Variants in SLC45A4 observed in about 807,000 individuals in gnomAD.
SLC45A4 encodes solute carrier family 45 member 4, also known as polyamine-transporter SLC45A4.
A neutral mutation model predicts 63.7 loss-of-function variants in SLC45A4; 32 were observed. The observed-to-expected ratio is 0.50, with a 90% CI of 0.38 to 0.67. The LOEUF is 0.67. Ranked by LOEUF, SLC45A4 falls within the 30% of genes least tolerant of loss-of-function variation. The pLI is 0.00. For missense variants in SLC45A4, 1,027 were observed against 1,157.7 expected, an observed-to-expected ratio of 0.89 and a Z score of 1.64; for synonymous variants, 535 against 510.0, an observed-to-expected ratio of 1.05 and a Z score of -0.66.
At chr8:141,228,366 T>C (rs949912473) in intron 2 of SLC45A4, 212 of 1,561,418 alleles carry the variant, frequency 1.4e-4, no homozygotes, top group Non-Finnish European at 1.7e-4. Flanking sequence ...CTCAACAGCC[T>C]GGCTAGAGGC....
chr8:141,303,558 T>C (rs1305416347), intron 1 of SLC45A4, among the ~76,000 whole-genome samples: 1 of 152,212 alleles, frequency 6.6e-6, no homozygotes, highest in Non-Finnish European at 1.5e-5. Context: ...GGGTTTGCTA[T>C]GCATTTTTCA....
chr8:141,305,540 C>G (rs7819177), intron 1 of SLC45A4, among the ~76,000 whole-genome samples: 145,525 of 152,312 alleles, frequency 0.96, 69,896 homozygotes, highest in Middle Eastern at 1. Flanking sequence ...GCATATTCTG[C>G]CTCCACAAAT....
intron 1 of SLC45A4, among the ~76,000 whole-genome samples, chr8:141,255,639 C>T (rs1023154673): frequency 8.5e-5 from 13 of 152,126 alleles, no homozygotes; most frequent in African/African-American, 3.1e-4. Context: ...TCACTTGAAC[C>T]CGGGAGGTGG....
rs192966320 is a variant in SLC45A4, at chr8:141,300,013, A to T, written c.-401+8083T>A. Reference sequence around the variant, plus strand: ...CAGGATTCCTAGAACACGACCGTGGAACTGCTCTTCTCCTCACCCATCCCT... The same window carrying T: ...CAGGATTCCTAGAACACGACCGTGGTACTGCTCTTCTCCTCACCCATCCCT... On this transcript the variant is annotated intron_variant, in intron 1 of 8. Transcript: ENST00000517878. 1.6e-3 allele frequency among the ~76,000 whole-genome samples: 236 copies of T among 152,216 alleles called. 2 individuals are homozygous for T. The highest frequency in any genetic ancestry group is 6.9e-4 in the Non-Finnish European group (47 of 68,010).
intron 1 of SLC45A4, among the ~76,000 whole-genome samples, chr8:141,296,532 T>A (rs534818188): frequency 1.7e-3 from 92 of 53,528 alleles, no homozygotes; most frequent in African/African-American, 4.2e-3. Flanking sequence ...AAAATTAAAA[T>A]TAAAATTAAA....
chr8:141,230,402 C>T (rs1226001812), intron 2 of SLC45A4: 7 of 326,924 alleles, frequency 2.1e-5, no homozygotes, highest in South Asian at 1.2e-4. Context: ...CCGAGGGTTC[C>T]CAGCACGGCC....
intron 2 of SLC45A4, among the ~76,000 whole-genome samples, chr8:141,246,228 C>T (rs1490827140): frequency 6.6e-6 from 1 of 152,162 alleles, no homozygotes; most frequent in Non-Finnish European, 1.5e-5. Flanking sequence ...AAGAGTCTGA[C>T]AAACAGAATA....
At position 141,254,695 on chromosome 8, in the gene SLC45A4, G is replaced by A. The variant is rs751490149; in HGVS notation, c.-400-66C>T. ...CGGCCACCAGATGGCCCTGTGGACC[G>A]CCGCCCGACCCCCGAGCAAGCCGTG... is the stretch of plus-strand genomic sequence containing the variant. On this transcript the variant is annotated intron_variant, in intron 1 of 8. Transcript: ENST00000517878. This position sits in a 1 kb window ranked among gnomAD's most constrained non-coding sequence, Gnocchi z 4.5. The A allele has an allele frequency of 1.2e-5, 8 of 692,778 alleles. No homozygotes were observed. The highest frequency in any genetic ancestry group is 8.1e-5 in the Admixed American group (4 of 49,650). The allele number at this position is 692,778 out of a possible 1,614,324, so 42.9% of individuals were successfully genotyped here.
At chr8:141,241,229 C>T (rs1424209409) in intron 2 of SLC45A4, among the ~76,000 whole-genome samples, 4 of 152,374 alleles carry the variant, frequency 2.6e-5, no homozygotes, top group South Asian at 2.1e-4. Flanking sequence ...TGCGGGCAGG[C>T]GGAGCAGCAG....
In SLC45A4 at chr8:141,278,281, G is replaced by A. The variant is rs36028626; in HGVS notation, c.-400-23652C>T. The A allele has an allele frequency of 0.29, 43,459 of 152,296 alleles. 6,697 individuals carry two copies. The highest frequency in any genetic ancestry group is 0.35 in the Non-Finnish European group (23,584 of 68,070). The allele number at this position is 152,296 out of a possible 1,614,324, so 9.4% of individuals were successfully genotyped here. A position where few individuals can be genotyped will look rare whatever the true frequency, so the allele number is the denominator to read the frequency against. On this transcript the variant is annotated intron_variant, in intron 1 of 8. Coordinates refer to ENST00000517878, the MANE Select transcript of SLC45A4 (RefSeq NM_001286646.2). This position sits in a 1 kb window ranked among gnomAD's most constrained non-coding sequence, Gnocchi z 4.1. ...CAGTGGGTTTCCCCGATGGGATCTCGGTGCAACCCAACAACTGAGCCAACT... is the reference window on the plus strand; with the variant it reads ...CAGTGGGTTTCCCCGATGGGATCTCAGTGCAACCCAACAACTGAGCCAACT...
intron 1 of SLC45A4, among the ~76,000 whole-genome samples, chr8:141,281,929 T>C (rs189546010): frequency 6.6e-6 from 1 of 152,108 alleles, no homozygotes; most frequent in Admixed American, 6.5e-5. Flanking sequence ...CACGGCACCT[T>C]TCCTAACGCC....
rs1280624370 is a variant in SLC45A4 at position 141,212,333 on chromosome 8, T to G, written c.2165A>C (p.Glu722Ala). 1.2e-6 allele frequency: 2 copies of G among 1,612,672 alleles called. No individual in the cohort carries two copies. The highest frequency in any genetic ancestry group is 8.5e-7 in the Non-Finnish European group (1 of 1,179,422). ...CAGGCCTTTCTGCTCCTCCTTGGCCTCCTCTGACACGTTGGGATAGATCAC... is the reference window on the plus strand; with the variant it reads ...CAGGCCTTTCTGCTCCTCCTTGGCCGCCTCTGACACGTTGGGATAGATCAC... Reference protein sequence around the residue: ...FLVIYPNVSEEAKEEQKGLSS... With the variant: ...FLVIYPNVSEAAKEEQKGLSS... Residue 722 changes from glutamate to alanine, a missense_variant, in exon 8 of 9, where the codon GAG becomes GCG. Physicochemically the swap from Glu to Ala is moderately radical, Grantham distance 107. Coordinates refer to ENST00000517878, the MANE Select transcript of SLC45A4 (RefSeq NM_001286646.2).
chr8:141,228,551 CA>C, intron 2 of SLC45A4: 1 of 1,268,264 alleles, frequency 7.9e-7, no homozygotes, highest in Non-Finnish European at 1.0e-6. Flanking sequence ...GCAGCTGGAG[CA>C]TGGGCTCCTC....
intron 1 of SLC45A4, among the ~76,000 whole-genome samples, chr8:141,271,334 A>G (rs1394668483): frequency 6.6e-6 from 1 of 152,052 alleles, no homozygotes; most frequent in East Asian, 1.9e-4. Context: ...CTGGCACCAC[A>G]CTCAATTCTG....
rs752754827 is a variant in SLC45A4, at chr8:141,253,949, C to T, written c.241+40G>A. The T allele has an allele frequency of 2.2e-4, 339 of 1,530,794 alleles. 1 individual carries two copies. Among genetic ancestry groups the T allele is most frequent in the South Asian group, 9.5e-4 (80 of 83,908 alleles). The allele number at this position is 1,530,794 out of a possible 1,614,324, so 94.8% of individuals were successfully genotyped here. ...AGCCACGCCCAGTCCGCTAGCACTC[C>T]GCTCAGCGTTCACTGCGCACAGACG... is the stretch of plus-strand genomic sequence containing the variant. On this transcript the variant is annotated intron_variant, in intron 2 of 8. Transcript: ENST00000517878.
chr8:141,262,827 C>A (rs1829093419), intron 1 of SLC45A4, among the ~76,000 whole-genome samples: 1 of 149,652 alleles, frequency 6.7e-6, no homozygotes, highest in African/African-American at 2.4e-5. Flanking sequence ...GGATCTAGAA[C>A]TAGAAATACC....
chr8:141,218,961 A>C lies in SLC45A4; in HGVS notation c.679T>G (p.Phe227Val), dbSNP rs767333964. The change falls in exon 5 of 9, where the codon TTC (phenylalanine) becomes GTC (valine). Residue 227 changes from phenylalanine to valine, a missense_variant. Phe to Val is a conservative substitution (Grantham distance 50). Coordinates refer to ENST00000517878, the MANE Select transcript of SLC45A4 (RefSeq NM_001286646.2). ...AAGAGCACCTGGTTCTGGGTCCGGA[A>C]CCAGCTGCCCAGGAAGGTCTGGGTC... is the stretch of plus-strand genomic sequence containing the variant. ...DWTQTFLGSW[F>V]RTQNQVLFFF... 1 of 1,613,538 alleles carries C rather than the reference A, an allele frequency of 6.2e-7. No homozygotes were observed. Among genetic ancestry groups the C allele is most frequent in the Non-Finnish European group, 8.5e-7 (1 of 1,179,922 alleles).
At chr8:141,269,104 C>T (rs1380512557) in intron 1 of SLC45A4, among the ~76,000 whole-genome samples, 5 of 152,190 alleles carry the variant, frequency 3.3e-5, no homozygotes, top group African/African-American at 7.2e-5. Context: ...CTGAGTCATA[C>T]GCTGTATAGG....
chr8:141,303,172 G>A (rs972695763), intron 1 of SLC45A4, among the ~76,000 whole-genome samples: 2 of 151,392 alleles, frequency 1.3e-5, no homozygotes, highest in East Asian at 2.0e-4. Flanking sequence ...TAATTTTTTT[G>A]TATTTATAGA....
Sources: allele counts gnomAD v4.1 joint callset (sites outside exome capture counted in the v4.1 genomes callset), GRCh38; gene constraint gnomAD v4.1.1; non-coding constraint Gnocchi (gnomAD v3.1); transcripts MANE v1.5; gene names NCBI Gene and HGNC (gene_info 2026-07-23, HGNC 2026-07-21).